The following HIPK3 variants were observed in gnomAD, a reference collection of about 807,000 sequenced individuals.
HIPK3 encodes the protein homeodomain-interacting protein kinase 3.
HIPK3 carries 47 observed loss-of-function variants against 124.2 expected under a neutral mutation model. The ratio of observed to expected loss-of-function variants is 0.38; its 90% confidence interval spans 0.30 to 0.48. The LOEUF (loss-of-function observed/expected upper bound fraction) is 0.48, where lower values mean the gene tolerates loss of function less well. Among genes scored for constraint, HIPK3 ranks in the 20% least tolerant of loss-of-function variants. The pLI, the probability that HIPK3 is intolerant of heterozygous loss-of-function variation, is 0.98. For synonymous variants in HIPK3, 482 were observed against 515.2 expected (o/e 0.94, Z 0.87); for missense variants, 1,286 against 1,454.3 (o/e 0.88, Z 1.88).
rs1853749138 is a variant in HIPK3 at position 33,353,978 on chromosome 11, TG to T, written c.*413del. 5.7e-6 allele frequency: 1 copy of T among 175,312 alleles called. No individual in the cohort carries two copies. Among genetic ancestry groups the T allele is most frequent in the African/African-American group, 2.4e-5 (1 of 41,796 alleles). 10.9% of individuals were successfully genotyped at this position (175,312 alleles called of 1,614,324 possible). On this transcript the variant is annotated 3_prime_UTR_variant, in exon 17 of 17. Transcript: ENST00000303296. ...TATCCGTGTCTTAGTGTATAAATGT[TG>T]GGTCACTTACCTAAGAAATTGAGCT...
At chr11:33,295,726 T>A (rs1207052065) in intron 2 of HIPK3, among the ~76,000 whole-genome samples, 5 of 152,186 alleles carry the variant, frequency 3.3e-5, no homozygotes, top group African/African-American at 1.2e-4. Context: ...GGTTTTGCAC[T>A]TTTGGCAGGA....
chr11:33,341,250 A>G (rs930167595), intron 7 of HIPK3, 123 bp downstream of exon 7: 1 of 627,292 alleles, frequency 1.6e-6, no homozygotes. Context: ...GTCTTACTAT[A>G]CCTGTTTTTA....
At chr11:33,334,666 C>T (rs1037714255) in intron 3 of HIPK3, among the ~76,000 whole-genome samples, 1 of 151,124 alleles carries the variant, frequency 6.6e-6, no homozygotes, top group African/African-American at 2.4e-5. Context: ...AAAAAAAAAT[C>T]ACAAAAAAAT....
chr11:33,265,506 G>C (rs1057161246), intron 1 of HIPK3, among the ~76,000 whole-genome samples: 1 of 152,172 alleles, frequency 6.6e-6, no homozygotes, highest in Non-Finnish European at 1.5e-5. Context: ...AGGCACGGTG[G>C]CTCATGCCTG....
At chr11:33,285,841 G>A (rs1317365885) in intron 1 of HIPK3, among the ~76,000 whole-genome samples, 1 of 151,704 alleles carries the variant, frequency 6.6e-6, no homozygotes, top group East Asian at 1.9e-4. Flanking sequence ...GTGCAATCTC[G>A]GCTCACTGCA....
At chr11:33,314,042 G>T (rs954667591) in intron 2 of HIPK3, among the ~76,000 whole-genome samples, 1 of 151,940 alleles carries the variant, frequency 6.6e-6, no homozygotes, top group Non-Finnish European at 1.5e-5. Flanking sequence ...GGCTGGTCTC[G>T]TACTCCTGGG....
rs1853154188 is a variant in HIPK3, at chr11:33,336,537, T to TA, written c.1222-534dup. Among the ~76,000 whole-genome samples, 7 of 152,340 alleles carry TA rather than the reference T, an allele frequency of 4.6e-5. No homozygotes were observed. The East Asian group carries it at 1.3e-3, about 29-fold the overall frequency. On this transcript the variant is annotated intron_variant, in intron 3 of 16. Transcript: ENST00000303296. Reference sequence around the variant, plus strand: ...CTTCACCCATTGTCAGACATTTCTTTAAAATGTAAGCTGTCAATTTCTTGC... The same window carrying TA: ...CTTCACCCATTGTCAGACATTTCTTTAAAAATGTAAGCTGTCAATTTCTTGC...
At chr11:33,263,593 G>A (rs1165697313) in intron 1 of HIPK3, among the ~76,000 whole-genome samples, 1 of 152,190 alleles carries the variant, frequency 6.6e-6, no homozygotes, top group Non-Finnish European at 1.5e-5. Flanking sequence ...TGGGATTACA[G>A]TAAGCCACCG....
intron 1 of HIPK3, among the ~76,000 whole-genome samples, chr11:33,282,195 T>A (rs1477291970): frequency 1.3e-5 from 2 of 151,780 alleles, no homozygotes; most frequent in Non-Finnish European, 2.9e-5. Flanking sequence ...GAGACCAGCC[T>A]GGGCAATATG....
intron 2 of HIPK3, among the ~76,000 whole-genome samples, chr11:33,292,962 C>T (rs1851740004): frequency 6.6e-6 from 1 of 152,196 alleles, no homozygotes; most frequent in Admixed American, 6.5e-5. Flanking sequence ...TGGTCTCGAT[C>T]TCCTGACCTT....
intron 2 of HIPK3, among the ~76,000 whole-genome samples, chr11:33,306,483 TAA>T (rs368510699): frequency 2.0e-5 from 3 of 152,286 alleles, no homozygotes; most frequent in Non-Finnish European, 2.9e-5. Flanking sequence ...TAAAAAAAAT[TAA>T]GTCATAAAAC....
At chr11:33,321,826 A>G (rs999844023) in intron 2 of HIPK3, among the ~76,000 whole-genome samples, 5 of 152,110 alleles carry the variant, frequency 3.3e-5, no homozygotes, top group African/African-American at 1.2e-4. Context: ...AAATGAAAAT[A>G]CTAAGGCTTA....
intron 2 of HIPK3, among the ~76,000 whole-genome samples, chr11:33,295,459 C>T (rs1001397140): frequency 6.6e-6 from 1 of 152,208 alleles, no homozygotes; most frequent in Non-Finnish European, 1.5e-5. Flanking sequence ...GTGGAGGCCT[C>T]GCAATAAAAC....
At chr11:33,313,865 T>C (rs1312203850) in intron 2 of HIPK3, among the ~76,000 whole-genome samples, 1 of 152,088 alleles carries the variant, frequency 6.6e-6, no homozygotes, top group Non-Finnish European at 1.5e-5. Context: ...TTTTTTTAAA[T>C]TTTTTTGAGA....
intron 13 of HIPK3, 25 bp from the exon 14 acceptor site, chr11:33,349,122 G>A: frequency 6.2e-7 from 1 of 1,603,996 alleles, no homozygotes; most frequent in Non-Finnish European, 8.5e-7. Context: ...TTTGACTCAT[G>A]TTTTTCCCTT....
chr11:33,347,354 A>G lies in HIPK3; in HGVS notation c.1959A>G (p.Pro653=), dbSNP rs371306723. 1.2e-6 allele frequency: 2 copies of G among 1,613,822 alleles called. No individual in the cohort carries two copies. Among genetic ancestry groups the G allele is most frequent in the African/African-American group, 1.3e-5 (1 of 74,914 alleles). Residue 653 remains proline (P), a synonymous_variant, in exon 9 of 17, where the codon CCA becomes CCG. Transcript: ENST00000303296. ...CAATAAGGGTAGATAATACAGTTCC[A>G]CTTGTAACTCAGGCCCCAGCTGTGC... ...SYSIRVDNTV[P]LVTQAPAVQP...
chr11:33,262,751 T>C (rs1172360795), intron 1 of HIPK3, among the ~76,000 whole-genome samples: 1 of 152,208 alleles, frequency 6.6e-6, no homozygotes, highest in Non-Finnish European at 1.5e-5. Context: ...TTTGTTACTT[T>C]AAACTAATTT....
chr11:33,262,541 C>A (rs373320215), intron 1 of HIPK3, among the ~76,000 whole-genome samples: 12 of 152,218 alleles, frequency 7.9e-5, no homozygotes, highest in East Asian at 5.8e-4. Flanking sequence ...GAAATTAAAA[C>A]AACTGGATGA....
chr11:33,263,996 T>G (rs1565051292), intron 1 of HIPK3, among the ~76,000 whole-genome samples: 2 of 152,212 alleles, frequency 1.3e-5, no homozygotes, highest in East Asian at 3.8e-4. Context: ...CTGGAGATCT[T>G]AAAAAATAAA....
Sources: allele counts gnomAD v4.1 joint callset (sites outside exome capture counted in the v4.1 genomes callset), GRCh38; gene constraint gnomAD v4.1.1; transcripts MANE v1.5; gene names NCBI Gene and HGNC (gene_info 2026-07-23, HGNC 2026-07-21).